The following SUPT3H variants were observed in gnomAD, a reference collection of about 807,000 sequenced individuals.
The protein encoded by SUPT3H is SPT3 homolog, SAGA and STAGA complex component.
A neutral mutation model predicts 44.3 loss-of-function variants in SUPT3H; 44 were observed. That is an observed-to-expected ratio of 0.99 (90% CI 0.78 to 1.28). The LOEUF (loss-of-function observed/expected upper bound fraction) is 1.28. SUPT3H is among the 50% of genes most tolerant of loss of function. The probability of loss-of-function intolerance (pLI) is 0.00; values close to 1 mark genes in which losing one functional copy is unlikely to be tolerated. For missense variants in SUPT3H, 380 were observed against 387.1 expected (o/e 0.98, Z 0.15); for synonymous variants, 124 against 125.6 (o/e 0.99, Z 0.09).
chr6:44,975,707 G>A (rs966534331), intron 6 of SUPT3H, among the ~76,000 whole-genome samples: 7 of 151,938 alleles, frequency 4.6e-5, no homozygotes, highest in African/African-American at 1.7e-4. Context: ...AAAACCACCT[G>A]TTCCTCAAAC....
intron 10 of SUPT3H, among the ~76,000 whole-genome samples, chr6:44,930,667 C>G (rs1770441471): frequency 6.6e-6 from 1 of 152,068 alleles, no homozygotes; most frequent in Non-Finnish European, 1.5e-5. Flanking sequence ...GTGGTGGTCC[C>G]CTCCTGAGGA....
intron 3 of SUPT3H, among the ~76,000 whole-genome samples, chr6:45,074,517 T>C (rs930454445): frequency 6.6e-6 from 1 of 151,916 alleles, no homozygotes; most frequent in African/African-American, 2.4e-5. Flanking sequence ...AATAAAATAA[T>C]ACTGCACACC....
At chr6:45,131,545 C>T (rs1016511924) in intron 2 of SUPT3H, among the ~76,000 whole-genome samples, 1 of 152,064 alleles carries the variant, frequency 6.6e-6, no homozygotes, top group Non-Finnish European at 1.5e-5. Flanking sequence ...TACATATTAA[C>T]AGCTTATGTG....
chr6:45,297,918 A>C (rs564308046), intron 2 of SUPT3H, among the ~76,000 whole-genome samples: 1 of 152,326 alleles, frequency 6.6e-6, no homozygotes, highest in South Asian at 2.1e-4. Flanking sequence ...CACAATATCC[A>C]TAAAAAGATT....
intron 2 of SUPT3H, among the ~76,000 whole-genome samples, chr6:45,315,215 C>T (rs939042766): frequency 6.6e-6 from 1 of 152,116 alleles, no homozygotes; most frequent in African/African-American, 2.4e-5. Flanking sequence ...CCCTTCTAGA[C>T]ATTGCCTTAA....
At chr6:45,180,653 T>C (rs1417811095) in intron 2 of SUPT3H, among the ~76,000 whole-genome samples, 3 of 151,822 alleles carry the variant, frequency 2.0e-5, no homozygotes, top group South Asian at 2.1e-4. Flanking sequence ...GCTGGGAAAA[T>C]TGGCTAGCCA....
chr6:44,885,005 G>C (rs575398195), intron 10 of SUPT3H, among the ~76,000 whole-genome samples: 8 of 152,286 alleles, frequency 5.3e-5, no homozygotes, highest in Admixed American at 4.6e-4. Context: ...ACGGAGTCTG[G>C]CTGATTGCTA....
intron 2 of SUPT3H, among the ~76,000 whole-genome samples, chr6:45,269,909 TC>T (rs1466849827): frequency 6.6e-6 from 1 of 152,130 alleles, no homozygotes; most frequent in Non-Finnish European, 1.5e-5. Context: ...ACAAACCCTG[TC>T]CTTTAACAGT....
chr6:45,329,322 C>CTACTTAT (rs1314462305), intron 2 of SUPT3H, among the ~76,000 whole-genome samples: 1 of 151,938 alleles, frequency 6.6e-6, no homozygotes, highest in African/African-American at 2.4e-5. Flanking sequence ...CTTATAAATT[C>CTACTTAT]AAACTGTATC....
chr6:45,201,670 C>G (rs985082942), intron 2 of SUPT3H, among the ~76,000 whole-genome samples: 2 of 151,698 alleles, frequency 1.3e-5, no homozygotes, highest in African/African-American at 4.8e-5. Flanking sequence ...CAAAAGGAAA[C>G]ACAGAATAGG....
At chr6:45,284,496 G>A (rs1778827859) in intron 2 of SUPT3H, among the ~76,000 whole-genome samples, 1 of 152,160 alleles carries the variant, frequency 6.6e-6, no homozygotes, top group Admixed American at 6.5e-5. Flanking sequence ...AAATCTAGAA[G>A]AAATGGATAA....
chr6:45,365,205 T>C lies in SUPT3H; in HGVS notation c.97A>G (p.Met33Val). ...AGCATGCAGGGACATACTTACATCA[T>C]ACTCTGTAATTCTGTTGCAAAGCTT... ...SISFATELQS[M>V]MYSLGDARRP... Residue 33 changes from methionine to valine, a missense_variant, in exon 2 of 11, where the codon ATG becomes GTG. Coordinates refer to ENST00000371459, the MANE Select transcript of SUPT3H (RefSeq NM_003599.4). 6.3e-7 allele frequency: 1 copy of C among 1,599,426 alleles called. No homozygotes were observed. Among genetic ancestry groups the C allele is most frequent in the Non-Finnish European group, 8.5e-7 (1 of 1,169,686 alleles).
At chr6:45,340,718 T>C (rs186850600) in intron 2 of SUPT3H, among the ~76,000 whole-genome samples, 2 of 152,246 alleles carry the variant, frequency 1.3e-5, no homozygotes, top group African/African-American at 2.4e-5. Context: ...AATACACATA[T>C]ATACTCTATG....
chr6:44,839,514 C>A (rs1770540883), intron 10 of SUPT3H, among the ~76,000 whole-genome samples: 1 of 151,946 alleles, frequency 6.6e-6, no homozygotes, highest in Non-Finnish European at 1.5e-5. Context: ...CACTTTGTTG[C>A]CCAGGCTGGT....
At chr6:44,886,829 G>C (rs1046781513) in intron 10 of SUPT3H, among the ~76,000 whole-genome samples, 98 of 152,214 alleles carry the variant, frequency 6.4e-4, no homozygotes, top group Non-Finnish European at 1.2e-3. Flanking sequence ...TGGCAAATTG[G>C]ATAAAGAGTC....
intron 6 of SUPT3H, among the ~76,000 whole-genome samples, chr6:44,997,234 C>A (rs952293315): frequency 6.6e-6 from 1 of 151,732 alleles, no homozygotes; most frequent in Non-Finnish European, 1.5e-5. Context: ...GTTTAAACAA[C>A]ATTAAGCCAA....
intron 4 of SUPT3H, among the ~76,000 whole-genome samples, chr6:45,017,921 G>GTA (rs1451147505): frequency 6.8e-6 from 1 of 148,044 alleles, no homozygotes; most frequent in Non-Finnish European, 1.5e-5. Flanking sequence ...CATTGAATCT[G>GTA]TAAATTACCT....
intron 2 of SUPT3H, among the ~76,000 whole-genome samples, chr6:45,170,641 TTTTTTC>T (rs1312971166): frequency 3.3e-5 from 5 of 152,210 alleles, no homozygotes; most frequent in African/African-American, 4.8e-5. Flanking sequence ...TTCATTTTCT[TTTTTTC>T]TTTTTCTTTT....
chr6:45,010,343 C>T (rs1398345866), intron 5 of SUPT3H, among the ~76,000 whole-genome samples: 1 of 152,038 alleles, frequency 6.6e-6, no homozygotes, highest in East Asian at 1.9e-4. Flanking sequence ...TCTGACTAAA[C>T]ACCTGGCTAA....
Sources: gnomAD v4.1 joint callset for allele counts (sites outside exome capture counted in the v4.1 genomes callset) on GRCh38, gnomAD v4.1.1 for gene constraint, MANE v1.5 for transcripts, NCBI Gene and HGNC (gene_info 2026-07-23, HGNC 2026-07-21) for gene names.